The following CDC42BPA variants were observed in gnomAD, a reference collection of about 807,000 sequenced individuals.
The protein encoded by CDC42BPA is CDC42 binding protein kinase alpha.
Under a neutral mutation model 223.5 loss-of-function variants are expected in CDC42BPA, and 80 were observed. That is an observed-to-expected ratio of 0.36 (90% CI 0.30 to 0.43). The LOEUF is 0.43. Among genes scored for constraint, CDC42BPA ranks in the 20% least tolerant of loss-of-function variants. The pLI, the probability that CDC42BPA is intolerant of heterozygous loss-of-function variation, is 1.00. For missense variants in CDC42BPA, 1,743 were observed against 2,099.9 expected (o/e 0.83, Z 3.32); for synonymous variants, 694 against 718.6 (o/e 0.97, Z 0.55).
intron 2 of CDC42BPA, among the ~76,000 whole-genome samples, chr1:227,224,204 A>G (rs1158273139): frequency 6.7e-6 from 1 of 149,160 alleles, no homozygotes; most frequent in African/African-American, 2.5e-5. Flanking sequence ...ATACCAAGCC[A>G]TTCACTGCTT....
intron 14 of CDC42BPA, among the ~76,000 whole-genome samples, chr1:227,102,234 A>C (rs1049130954): frequency 1.3e-5 from 2 of 152,194 alleles, no homozygotes; most frequent in Non-Finnish European, 2.9e-5. Context: ...TAATTTAAAA[A>C]GAGCAAAGGA....
At chr1:227,276,317 G>A (rs1419453896) in intron 1 of CDC42BPA, among the ~76,000 whole-genome samples, 4 of 145,162 alleles carry the variant, frequency 2.8e-5, no homozygotes, top group South Asian at 2.2e-4. Context: ...GGTGAGGAGC[G>A]TGTCTGGGAG....
chr1:227,277,038 C>T (rs1485128910), intron 1 of CDC42BPA, among the ~76,000 whole-genome samples: 1 of 150,266 alleles, frequency 6.7e-6, no homozygotes, highest in Non-Finnish European at 1.5e-5. Context: ...CCTGCCAAAT[C>T]CCCCTCTCCG....
At position 227,317,896 on chromosome 1, in the gene CDC42BPA, A is replaced by G; in HGVS notation, c.-714T>C. Reference sequence around the variant, plus strand: ...GGCTTTGCAGTCAGTCCTATTTTCAACGGATTCCGGTGAAAACTCTTCATT... The same window carrying G: ...GGCTTTGCAGTCAGTCCTATTTTCAGCGGATTCCGGTGAAAACTCTTCATT... On this transcript the variant is annotated 5_prime_UTR_variant, in exon 1 of 37. Transcript: ENST00000366766. 7.5e-6 allele frequency: 3 copies of G among 398,632 alleles called. No individual in the cohort carries two copies. Among genetic ancestry groups the G allele is most frequent in the Non-Finnish European group, 1.3e-5 (3 of 226,058 alleles). 24.7% of individuals were successfully genotyped at this position (398,632 alleles called of 1,614,324 possible).
chr1:227,072,988 C>G (rs1439672357), intron 19 of CDC42BPA, among the ~76,000 whole-genome samples: 1 of 152,056 alleles, frequency 6.6e-6, no homozygotes, highest in Non-Finnish European at 1.5e-5. Flanking sequence ...TAGCAAAAAG[C>G]TTATAAACCA....
chr1:227,297,131 A>G lies in CDC42BPA; in HGVS notation c.178+19874T>C, dbSNP rs148735529. Among the ~76,000 whole-genome samples, 577 of 152,336 alleles carry G rather than the reference A, an allele frequency of 3.8e-3. 2 individuals carry two copies. Among genetic ancestry groups the G allele is most frequent in the Non-Finnish European group, 6.3e-3 (429 of 68,026 alleles). Reference sequence around the variant, plus strand: ...TATCTTTTAAAGTGGGCAAAGGGTTAATCAGACATTTCTCCAAAGAAGATA... The same window carrying G: ...TATCTTTTAAAGTGGGCAAAGGGTTGATCAGACATTTCTCCAAAGAAGATA... On this transcript the variant is annotated intron_variant, in intron 1 of 36. Transcript: ENST00000366766.
intron 2 of CDC42BPA, chr1:227,219,253 C>T (rs915526830): frequency 3.3e-5 from 5 of 152,196 alleles, no homozygotes; most frequent in Non-Finnish European, 7.3e-5. Flanking sequence ...TAATTAAAAG[C>T]TTTTGACACC....
intron 6 of CDC42BPA, among the ~76,000 whole-genome samples, chr1:227,150,224 C>CAA (rs35252773): frequency 0.034 from 4,663 of 136,500 alleles, 97 homozygotes; most frequent in South Asian, 0.061. Context: ...AACCCTGTCT[C>CAA]AAAAAAAAAA....
intron 11 of CDC42BPA, among the ~76,000 whole-genome samples, chr1:227,128,717 C>A (rs1656357660): frequency 6.6e-6 from 1 of 152,108 alleles, no homozygotes; most frequent in African/African-American, 2.4e-5. Flanking sequence ...CTCTGCTTGT[C>A]TCTAGTGTCC....
At chr1:227,270,012 A>T (rs1167361666) in intron 1 of CDC42BPA, among the ~76,000 whole-genome samples, 1 of 152,180 alleles carries the variant, frequency 6.6e-6, no homozygotes, top group African/African-American at 2.4e-5. Context: ...AGAATGAAAA[A>T]CTGGAAACTA....
intron 16 of CDC42BPA, among the ~76,000 whole-genome samples, 197 bp downstream of exon 16, chr1:227,091,689 T>C (rs938808424): frequency 8.5e-5 from 13 of 152,178 alleles, no homozygotes; most frequent in Non-Finnish European, 1.3e-4. Flanking sequence ...TAAAAGGAGA[T>C]AAGCAAAACT....
intron 9 of CDC42BPA, among the ~76,000 whole-genome samples, chr1:227,142,552 A>C (rs1659882227): frequency 6.6e-6 from 1 of 152,182 alleles, no homozygotes; most frequent in Non-Finnish European, 1.5e-5. Flanking sequence ...TTTAATTCAC[A>C]AAGTTTTCTC....
intron 1 of CDC42BPA, among the ~76,000 whole-genome samples, chr1:227,263,802 G>C (rs559188647): frequency 1.3e-5 from 2 of 151,882 alleles, no homozygotes; most frequent in Admixed American, 6.6e-5. Context: ...GGCTGGTCTC[G>C]AACTCCTGAC....
In CDC42BPA at chr1:227,119,815, C is replaced by A. The variant is rs2149439802; in HGVS notation, c.1636G>T (p.Asp546Tyr). The A allele has an allele frequency of 1.3e-6, 2 of 1,572,044 alleles. No individual in the cohort carries two copies. Among genetic ancestry groups the A allele is most frequent in the South Asian group, 1.2e-5 (1 of 85,390 alleles). The part of the protein sequence containing the change: ...QIKTLQQERE[D>Y]LNKELVQASE... Reference sequence around the variant, plus strand: ...GTCACATATTTTACCTTATTTAGATCTTCTCTTTCTTGTTGTAACGTTTTG... The same window carrying A: ...GTCACATATTTTACCTTATTTAGATATTCTCTTTCTTGTTGTAACGTTTTG... The change falls in exon 12 of 37, where the codon GAT becomes TAT. Residue 546 changes from aspartate to tyrosine, a missense_variant. By Grantham distance (160) the Asp-to-Tyr change is radical. Transcript: ENST00000366766.
At chr1:227,258,804 C>T (rs768955532) in intron 1 of CDC42BPA, among the ~76,000 whole-genome samples, 1 of 150,836 alleles carries the variant, frequency 6.6e-6, no homozygotes, top group Non-Finnish European at 1.5e-5. Context: ...ATTATATCCA[C>T]CAAAAAGTTC....
chr1:227,046,430 G>A (rs1459190216), intron 23 of CDC42BPA, among the ~76,000 whole-genome samples: 2 of 152,064 alleles, frequency 1.3e-5, no homozygotes, highest in East Asian at 1.9e-4. Context: ...TTGAAGTCTC[G>A]CCATTCAGTA....
At chr1:227,295,883 C>T (rs543070473) in intron 1 of CDC42BPA, among the ~76,000 whole-genome samples, 5 of 152,174 alleles carry the variant, frequency 3.3e-5, no homozygotes, top group Non-Finnish European at 7.4e-5. Context: ...TCACTTTGTA[C>T]ATCAATCAGC....
intron 11 of CDC42BPA, among the ~76,000 whole-genome samples, chr1:227,122,253 G>C (rs1348092237): frequency 6.6e-6 from 1 of 152,160 alleles, no homozygotes; most frequent in Admixed American, 6.5e-5. Flanking sequence ...ATTTAGAGTA[G>C]CAATATAGTA....
At chr1:227,010,547 GTTTGT>G (rs1057233815) in intron 34 of CDC42BPA, among the ~76,000 whole-genome samples, 3 of 152,098 alleles carry the variant, frequency 2.0e-5, no homozygotes, top group Non-Finnish European at 2.9e-5. Flanking sequence ...GCCCTTTCCT[GTTTGT>G]TTTAACAGAA....
Sources: allele counts gnomAD v4.1 joint callset (sites outside exome capture counted in the v4.1 genomes callset), GRCh38; gene constraint gnomAD v4.1.1; transcripts MANE v1.5; gene names NCBI Gene and HGNC (gene_info 2026-07-23, HGNC 2026-07-21).